TMC3: variants seen among roughly 807,000 people sequenced by gnomAD.
TMC3 encodes the protein transmembrane channel like 3, also known as transmembrane channel-like protein 3.
A neutral mutation model predicts 110.6 loss-of-function variants in TMC3; 98 were observed. That is an observed-to-expected ratio of 0.89 (90% confidence interval 0.75 to 1.05). TMC3 has a LOEUF of 1.05. TMC3 is among the 50% of genes least tolerant of loss of function. TMC3 has a pLI of 0.00. For missense variants in TMC3, 1,319 were observed against 1,373.2 expected, an observed-to-expected ratio of 0.96 and a Z score of 0.62; for synonymous variants, 489 against 513.1, an observed-to-expected ratio of 0.95 and a Z score of 0.63.
chr15:81,355,119 T>A (rs566477456), intron 9 of TMC3, among the ~76,000 whole-genome samples: 3 of 152,192 alleles, frequency 2.0e-5, no homozygotes, highest in Non-Finnish European at 2.9e-5. Flanking sequence ...TAATTCCCCA[T>A]GTCCTTTTGT....
rs10676279 is a variant in TMC3 at position 81,370,680 on chromosome 15, C to CTTTT, written c.236+1907_236+1910dup. Among the ~76,000 whole-genome samples the CTTTT allele has an allele frequency of 6.5e-3, 907 of 139,312 alleles. 22 individuals are homozygous for CTTTT. The highest frequency in any genetic ancestry group is 0.023 in the African/African-American group (871 of 37,110). The allele number at this position is 139,312 out of a possible 152,430, so 91.4% of individuals were successfully genotyped here. ...AGCAAAATTCTAATAGAAACTATTTCTTTTTTTTTTTTTTTTGAGACAGAG... is the reference window on the plus strand; with the variant it reads ...AGCAAAATTCTAATAGAAACTATTTCTTTTTTTTTTTTTTTTTTTTGAGACAGAG... On this transcript the variant is annotated intron_variant, in intron 2 of 21. Transcript: ENST00000359440.
chr15:81,352,443 TG>T (rs1952270794), intron 9 of TMC3, among the ~76,000 whole-genome samples: 1 of 152,232 alleles, frequency 6.6e-6, no homozygotes, highest in Admixed American at 6.5e-5. Context: ...GTGGTGATGC[TG>T]GTGTAAACAA....
intron 9 of TMC3, 66 bp downstream of exon 9, chr15:81,355,659 A>G: frequency 1.0e-6 from 1 of 1,004,226 alleles, no homozygotes; most frequent in Non-Finnish European, 1.6e-6. Context: ...ATGATCTGGT[A>G]GTTTTTGTAC....
chr15:81,372,349 GACACACACACACACACAC>G (rs371289786), intron 2 of TMC3, among the ~76,000 whole-genome samples: 6,008 of 116,858 alleles, frequency 0.051, 348 homozygotes, highest in African/African-American at 0.13. Context: ...CTGTCTCTCT[GACACACACACACACACAC>G]ACACACACAC....
chr15:81,367,311 G>T (rs184121325), intron 3 of TMC3, among the ~76,000 whole-genome samples: 40 of 152,002 alleles, frequency 2.6e-4, no homozygotes. Flanking sequence ...TAATATAATG[G>T]TGTTATGTGA....
In TMC3 at chr15:81,331,564, AC is replaced by A. The variant is rs1179735041; in HGVS notation, c.*854del. 3 of 151,970 alleles carry A rather than the reference AC, an allele frequency of 2.0e-5. No homozygotes were observed. Among genetic ancestry groups the A allele is most frequent in the African/African-American group, 2.4e-5 (1 of 41,354 alleles). 9.4% of individuals were successfully genotyped at this position (151,970 alleles called of 1,614,324 possible). ...ATTCATGAATTCCTTCTTCAACACA[AC>A]CCCCAGGAATGTCAGGCGACCATCA... On this transcript the variant is annotated 3_prime_UTR_variant, in exon 22 of 22. Coordinates refer to ENST00000359440, the MANE Select transcript of TMC3 (RefSeq NM_001080532.3).
intron 19 of TMC3, 126 bp downstream of exon 19, chr15:81,337,720 C>T: frequency 1.3e-6 from 1 of 780,262 alleles, no homozygotes; most frequent in Admixed American, 2.0e-5. Context: ...TGGCCTTGCA[C>T]CATAGTGGGT....
At chr15:81,336,173 C>T (rs1183582524) in intron 20 of TMC3, 3 of 153,824 alleles carry the variant, frequency 2.0e-5, no homozygotes, top group African/African-American at 7.2e-5. Context: ...TGAAAAAACA[C>T]AGGTTATCAG....
At chr15:81,359,241 C>T in intron 5 of TMC3, 124 bp downstream of exon 5, 1 of 741,638 alleles carries the variant, frequency 1.3e-6, no homozygotes, top group Non-Finnish European at 2.2e-6. Flanking sequence ...AAAAGTTTGC[C>T]AAGCCCTGCT....
intron 11 of TMC3, among the ~76,000 whole-genome samples, chr15:81,347,353 T>A (rs1311396471): frequency 6.6e-6 from 1 of 152,122 alleles, no homozygotes; most frequent in Non-Finnish European, 1.5e-5. Context: ...GCCTTCCGCA[T>A]CTCCTCAAGT....
At position 81,331,701 on chromosome 15, in the gene TMC3, G is replaced by A. The variant is rs1254152903; in HGVS notation, c.*718C>T. On this transcript the variant is annotated 3_prime_UTR_variant, in exon 22 of 22. Coordinates refer to ENST00000359440, the MANE Select transcript of TMC3 (RefSeq NM_001080532.3). Reference sequence around the variant, plus strand: ...TAGAAAAAACCTGAAACTGGTGATCGGCAGCTTCCCCATAAAATGTCAGGA... The same window carrying A: ...TAGAAAAAACCTGAAACTGGTGATCAGCAGCTTCCCCATAAAATGTCAGGA... 1.3e-5 allele frequency: 2 copies of A among 152,114 alleles called. No homozygotes were observed. The highest frequency in any genetic ancestry group is 2.9e-5 in the Non-Finnish European group (2 of 68,024). 9.4% of individuals were successfully genotyped at this position (152,114 alleles called of 1,614,324 possible).
intron 19 of TMC3, 109 bp from the exon 20 acceptor site, chr15:81,336,760 G>T: frequency 1.8e-6 from 2 of 1,142,422 alleles, no homozygotes; most frequent in South Asian, 1.3e-5. Context: ...TCTTACCTTG[G>T]ACCATAACTG....
In TMC3 at chr15:81,372,686, C is replaced by T. The variant is rs375088581; in HGVS notation, c.141G>A (p.Pro47=). 6.5e-5 allele frequency: 105 copies of T among 1,613,944 alleles called. No individual in the cohort carries two copies. Among genetic ancestry groups the T allele is most frequent in the East Asian group, 3.6e-4 (16 of 44,884 alleles). ...ACTGTATATTCTGGAAGATTTGTTC[C>T]GGATCATTGCTGTCCCCTGTTTCAT... ...SADETGDSND[P]EQIFQNIQFQ... Residue 47 remains proline (P), a synonymous_variant, in exon 2 of 22, where the codon CCG becomes CCA. Coordinates refer to ENST00000359440, the MANE Select transcript of TMC3 (RefSeq NM_001080532.3).
intron 16 of TMC3, among the ~76,000 whole-genome samples, chr15:81,341,171 C>T (rs1893705959): frequency 6.6e-6 from 1 of 152,138 alleles, no homozygotes; most frequent in East Asian, 1.9e-4. Flanking sequence ...TTCGGCAAAA[C>T]GTTTTAAAAG....
intron 9 of TMC3, among the ~76,000 whole-genome samples, chr15:81,353,043 A>G (rs561678801): frequency 6.6e-6 from 1 of 152,184 alleles, no homozygotes; most frequent in African/African-American, 2.4e-5. Flanking sequence ...CTTGTCTCAA[A>G]ACTCCTGACC....
chr15:81,336,256 C>G (rs1167431174), intron 20 of TMC3: 1 of 184,382 alleles, frequency 5.4e-6, no homozygotes. Flanking sequence ...ACTGAGACAG[C>G]AGATCTCTGC....
rs775504993 is a variant in TMC3 at position 81,332,384 on chromosome 15, G to A, written c.*35C>T. ...TGTGCTGGCCCAGCACTCCAACAGG[G>A]GCCTGACCTCTAGGAACGGGACACT... On this transcript the variant is annotated 3_prime_UTR_variant, in exon 22 of 22. Transcript: ENST00000359440. The A allele has an allele frequency of 4.5e-6, 7 of 1,559,362 alleles. No homozygotes were observed. Among genetic ancestry groups the A allele is most frequent in the South Asian group, 1.2e-5 (1 of 81,776 alleles).
chr15:81,361,668 T>C (rs1273131488), intron 4 of TMC3, among the ~76,000 whole-genome samples: 1 of 152,234 alleles, frequency 6.6e-6, no homozygotes, highest in Non-Finnish European at 1.5e-5. Flanking sequence ...AATTAACATC[T>C]TCCAAATATT....
intron 9 of TMC3, 36 bp downstream of exon 9, chr15:81,355,689 A>G (rs1446769412): frequency 7.0e-7 from 1 of 1,435,888 alleles, no homozygotes; most frequent in Non-Finnish European, 9.7e-7. Context: ...AATAAAACTT[A>G]TCAATGAATT....
Sources: allele counts gnomAD v4.1 joint callset (sites outside exome capture counted in the v4.1 genomes callset), GRCh38; gene constraint gnomAD v4.1.1; transcripts MANE v1.5; gene names NCBI Gene and HGNC (gene_info 2026-07-23, HGNC 2026-07-21).